MAN2A1: variants seen among roughly 807,000 people sequenced by gnomAD.
MAN2A1 encodes the protein mannosidase alpha class 2A member 1.
A neutral mutation model predicts 142.6 loss-of-function variants in MAN2A1; 76 were observed. The observed-to-expected ratio is 0.53, with a 90% CI of 0.44 to 0.65. MAN2A1 has a LOEUF of 0.65. MAN2A1 is among the 30% of genes least tolerant of loss of function. The pLI is 0.00. For synonymous variants in MAN2A1, 559 were observed against 473.2 expected (o/e 1.18, Z -2.35); for missense variants, 1,311 against 1,365.1 (o/e 0.96, Z 0.62).
chr5:109,770,296 T>C (rs1753109068), intron 6 of MAN2A1, 59 bp from the exon 7 acceptor site: 2 of 1,475,664 alleles, frequency 1.4e-6, no homozygotes, highest in African/African-American at 1.4e-5. Context: ...ACATTTTGAA[T>C]ATTTTTTGGG....
intron 20 of MAN2A1, chr5:109,863,766 C>T (rs1755813349): frequency 1.3e-5 from 2 of 152,084 alleles, no homozygotes; most frequent in African/African-American, 2.4e-5. Context: ...TTTTATAGTA[C>T]ATGGGCAGGG....
At chr5:109,719,364 C>A (rs147893133) in intron 3 of MAN2A1, among the ~76,000 whole-genome samples, 3 of 152,270 alleles carry the variant, frequency 2.0e-5, no homozygotes, top group African/African-American at 7.2e-5. Flanking sequence ...TTTCACTATT[C>A]CTTAACTTAA....
At chr5:109,771,899 G>C (rs778017038) in intron 7 of MAN2A1, among the ~76,000 whole-genome samples, 1 of 152,038 alleles carries the variant, frequency 6.6e-6, no homozygotes, top group Non-Finnish European at 1.5e-5. Context: ...TTTGGGGGGT[G>C]CTACTGAGAC....
At chr5:109,751,158 C>G (rs1265786220) in intron 4 of MAN2A1, among the ~76,000 whole-genome samples, 1 of 152,046 alleles carries the variant, frequency 6.6e-6, no homozygotes, top group Non-Finnish European at 1.5e-5. Context: ...AAATACTCTT[C>G]CCAGCCTCTG....
intron 1 of MAN2A1, among the ~76,000 whole-genome samples, chr5:109,699,139 T>G (rs1750900409): frequency 6.6e-6 from 1 of 152,202 alleles, no homozygotes; most frequent in Non-Finnish European, 1.5e-5. Flanking sequence ...TTCATCAACT[T>G]TAGGCCTAAA....
At chr5:109,747,242 G>A (rs546027610) in intron 4 of MAN2A1, among the ~76,000 whole-genome samples, 1 of 151,878 alleles carries the variant, frequency 6.6e-6, no homozygotes, top group African/African-American at 2.4e-5. Context: ...TATTTTTTTG[G>A]CAGAGTAAAA....
chr5:109,712,054 A>C (rs1356693972), intron 1 of MAN2A1, among the ~76,000 whole-genome samples: 2 of 150,118 alleles, frequency 1.3e-5, no homozygotes, highest in Non-Finnish European at 3.0e-5. Flanking sequence ...TATTGCCCCC[A>C]ACCACTGCCA....
intron 1 of MAN2A1, among the ~76,000 whole-genome samples, chr5:109,709,893 G>A (rs963740344): frequency 2.6e-5 from 4 of 152,088 alleles, no homozygotes; most frequent in African/African-American, 9.7e-5. Context: ...GTTACTATAA[G>A]TATTCTTTGA....
At chr5:109,754,365 G>A (rs1021482276) in intron 4 of MAN2A1, among the ~76,000 whole-genome samples, 1 of 151,990 alleles carries the variant, frequency 6.6e-6, no homozygotes, top group African/African-American at 2.4e-5. Flanking sequence ...TATGGCAAAG[G>A]AATACCCAAT....
chr5:109,819,679 G>C lies in MAN2A1; in HGVS notation c.2120G>C (p.Arg707Pro), dbSNP rs371840953. Residue 707 changes from arginine (R) to proline (P), a missense_variant, in exon 14 of 22, where the codon CGA becomes CCA. By Grantham distance (103) the Arg-to-Pro change is moderately radical. This residue lies in a region of MAN2A1 where 890 missense variants were observed against 920.5 expected (regional missense o/e 0.97). Coordinates refer to ENST00000261483, the MANE Select transcript of MAN2A1 (RefSeq NM_002372.4). ...CCCTATCTTTTAAAGATCTCTTTTCGAGCACATATACCGCCATTGGGACTG... is the reference window on the plus strand; with the variant it reads ...CCCTATCTTTTAAAGATCTCTTTTCCAGCACATATACCGCCATTGGGACTG... Reference protein sequence around the residue: ...ISETAYEISFRAHIPPLGLKV... With the variant: ...ISETAYEISFPAHIPPLGLKV... The C allele has an allele frequency of 1.9e-5, 30 of 1,565,264 alleles. No homozygotes were observed. Among genetic ancestry groups the C allele is most frequent in the Non-Finnish European group, 2.5e-5 (29 of 1,158,366 alleles).
intron 16 of MAN2A1, among the ~76,000 whole-genome samples, chr5:109,841,239 C>G (rs962201825): frequency 2.0e-5 from 3 of 152,030 alleles, no homozygotes. Context: ...TTTGGTGCAC[C>G]CATCACCTGA....
At chr5:109,763,107 T>A (rs1380092887) in intron 5 of MAN2A1, among the ~76,000 whole-genome samples, 3 of 152,174 alleles carry the variant, frequency 2.0e-5, no homozygotes, top group African/African-American at 7.2e-5. Context: ...TTGCTTCAAA[T>A]CTCCTGGTTT....
At chr5:109,824,041 C>T (rs559317653) in intron 16 of MAN2A1, among the ~76,000 whole-genome samples, 1 of 152,128 alleles carries the variant, frequency 6.6e-6, no homozygotes, top group South Asian at 2.1e-4. Context: ...TATACATGTT[C>T]CTCTGTATAT....
At chr5:109,745,287 A>G (rs1230278888) in intron 4 of MAN2A1, among the ~76,000 whole-genome samples, 1 of 152,208 alleles carries the variant, frequency 6.6e-6, no homozygotes, top group African/African-American at 2.4e-5. Flanking sequence ...TAAACATACA[A>G]TACAATAAAT....
chr5:109,813,989 T>C (rs991478376), intron 12 of MAN2A1, among the ~76,000 whole-genome samples: 3 of 152,154 alleles, frequency 2.0e-5, no homozygotes, highest in African/African-American at 7.2e-5. Context: ...AGGTGAGAGT[T>C]TTTCCTTGTA....
intron 4 of MAN2A1, among the ~76,000 whole-genome samples, chr5:109,742,898 C>A (rs1752307211): frequency 6.6e-6 from 1 of 152,170 alleles, no homozygotes; most frequent in Non-Finnish European, 1.5e-5. Flanking sequence ...CTTTTCAATT[C>A]CAGTTCGTCT....
chr5:109,795,849 G>A (rs948335800), intron 12 of MAN2A1, among the ~76,000 whole-genome samples: 50 of 152,038 alleles, frequency 3.3e-4, no homozygotes, highest in Admixed American at 3.0e-3. Context: ...TAAGGTCTCT[G>A]TTGACCATCT....
At chr5:109,866,331 C>G (rs3797670) in intron 21 of MAN2A1, among the ~76,000 whole-genome samples, 26,845 of 151,980 alleles carry the variant, frequency 0.18, 3,294 homozygotes, top group East Asian at 0.63. Context: ...CCTCTATAGA[C>G]TGGGACTCAA....
chr5:109,754,886 G>A (rs1464528716), intron 4 of MAN2A1, among the ~76,000 whole-genome samples: 5 of 152,148 alleles, frequency 3.3e-5, no homozygotes, highest in Non-Finnish European at 5.9e-5. Context: ...CTGTAATCCC[G>A]GTTACTCGGG....
Sources: allele counts gnomAD v4.1 joint callset (sites outside exome capture counted in the v4.1 genomes callset), GRCh38; gene constraint gnomAD v4.1.1; regional missense constraint gnomAD v4.1.1; transcripts MANE v1.5; gene names NCBI Gene and HGNC (gene_info 2026-07-23, HGNC 2026-07-21).